The following SLC25A37 variants were observed in gnomAD, a reference collection of about 807,000 sequenced individuals.
The protein encoded by SLC25A37 is mitoferrin-1.
Under a neutral mutation model 31.0 loss-of-function variants are expected in SLC25A37, and 17 were observed. The ratio of observed to expected loss-of-function variants is 0.55; its 90% CI spans 0.38 to 0.82. The LOEUF (loss-of-function observed/expected upper bound fraction) is 0.82, where lower values mean the gene tolerates loss of function less well. Ranked by LOEUF, SLC25A37 falls within the 40% of genes least tolerant of loss-of-function variation. The pLI is 0.00. For missense variants in SLC25A37, 404 were observed against 465.8 expected (o/e 0.87, Z 1.22); for synonymous variants, 222 against 193.0 (o/e 1.15, Z -1.24).
chr8:23,538,847 C>T (rs1801830861), intron 1 of SLC25A37, among the ~76,000 whole-genome samples: 1 of 152,178 alleles, frequency 6.6e-6, no homozygotes. Flanking sequence ...CTCTGAACTG[C>T]TCAAGCTGCT....
In SLC25A37 at chr8:23,546,568, A is replaced by AG. The variant is rs1178734863; in HGVS notation, c.210+17356_210+17357insG. ...ATATATATATAGTGTATATATATAT[A>AG]TATATATATATATAGTGTATATATA... On this transcript the variant is annotated intron_variant, in intron 1 of 3. Coordinates refer to ENST00000519973, the MANE Select transcript of SLC25A37 (RefSeq NM_016612.4). Among the ~76,000 whole-genome samples, 44 of 107,802 alleles carry AG rather than the reference A, an allele frequency of 4.1e-4. 1 individual carries two copies. The highest frequency in any genetic ancestry group is 2.6e-3 in the African/African-American group (42 of 16,390). 70.7% of individuals were successfully genotyped at this position (107,802 alleles called of 152,430 possible).
Position 23,531,090 on chromosome 8 carries a change from G to A in SLC25A37, c.210+1878G>A, listed in dbSNP as rs569951037. On this transcript the variant is annotated intron_variant, in intron 1 of 3. Transcript: ENST00000519973. ...CCTAGACAAGTCTGTAAAACAAGGC[G>A]TGGGTTAGCTAATCAGTGAAGTCTT... 9.8e-5 allele frequency among the ~76,000 whole-genome samples: 15 copies of A among 152,308 alleles called. No homozygotes were observed. In the East Asian group the frequency reaches 1.5e-3, roughly 16 times the overall value.
At chr8:23,553,831 G>C (rs565281485) in intron 1 of SLC25A37, among the ~76,000 whole-genome samples, 1 of 152,332 alleles carries the variant, frequency 6.6e-6, no homozygotes, top group East Asian at 1.9e-4. Flanking sequence ...GACTTTGCCT[G>C]TAAGTTACAC....
In SLC25A37 at chr8:23,558,549, G is replaced by A. The variant is rs573089641; in HGVS notation, c.211-7559G>A. 1.2e-4 allele frequency among the ~76,000 whole-genome samples: 19 copies of A among 152,344 alleles called. No individual in the cohort carries two copies. In the South Asian group the frequency reaches 2.1e-3, roughly 17 times the overall value. On this transcript the variant is annotated intron_variant, in intron 1 of 3. Coordinates refer to ENST00000519973, the MANE Select transcript of SLC25A37 (RefSeq NM_016612.4). ...TCCCTCCTCCCCGCAGTGAGAGAAC[G>A]GGCCAGTGAGACAGGCCTTTCCTGT...
At chr8:23,533,248 G>A (rs1801697002) in intron 1 of SLC25A37, among the ~76,000 whole-genome samples, 1 of 152,200 alleles carries the variant, frequency 6.6e-6, no homozygotes, top group Non-Finnish European at 1.5e-5. Flanking sequence ...TTGGGGAGGG[G>A]CAGGCTGGAG....
In SLC25A37 at chr8:23,571,915, C is replaced by T. The variant is rs1471388226; in HGVS notation, c.*60C>T. On this transcript the variant is annotated 3_prime_UTR_variant, in exon 4 of 4. Coordinates refer to ENST00000519973, the MANE Select transcript of SLC25A37 (RefSeq NM_016612.4). ...TCTCTGCCTGCATCCAGCCCCTTGC[C>T]CTCTCCTCACACGTAGATCATTTTT... The T allele has an allele frequency of 2.0e-5, 31 of 1,562,402 alleles. No homozygotes were observed. The South Asian group carries it at 3.1e-4, about 16-fold the overall frequency.
intron 2 of SLC25A37, 37 bp from the exon 3 acceptor site, chr8:23,568,285 G>A (rs573651915): frequency 8.7e-6 from 14 of 1,611,904 alleles, no homozygotes; most frequent in South Asian, 6.6e-5. Flanking sequence ...GAGAACACCC[G>A]ATCGCAGAGG....
At chr8:23,557,981 C>T (rs1236185686) in intron 1 of SLC25A37, among the ~76,000 whole-genome samples, 3 of 152,164 alleles carry the variant, frequency 2.0e-5, no homozygotes, top group African/African-American at 7.2e-5. Flanking sequence ...CTGGGCCCCC[C>T]TGGAGTTGTG....
In SLC25A37 at chr8:23,546,583, G is replaced by GT. The variant is rs1802066867; in HGVS notation, c.210+17372dup. Among the ~76,000 whole-genome samples, 2 of 61,066 alleles carry GT rather than the reference G, an allele frequency of 3.3e-5. 1 individual carries two copies. The highest frequency in any genetic ancestry group is 1.3e-3 in the East Asian group (2 of 1,518). The allele number at this position is 61,066 out of a possible 152,430, so 40.1% of individuals were successfully genotyped here. ...ATATATATATATATATATATATATAGTGTATATATATATAGTGTATGTGTG... is the reference window on the plus strand; with the variant it reads ...ATATATATATATATATATATATATAGTTGTATATATATATAGTGTATGTGTG... On this transcript the variant is annotated intron_variant, in intron 1 of 3. Coordinates refer to ENST00000519973, the MANE Select transcript of SLC25A37 (RefSeq NM_016612.4).
chr8:23,561,529 C>T (rs1345370442), intron 1 of SLC25A37, among the ~76,000 whole-genome samples: 1 of 152,226 alleles, frequency 6.6e-6, no homozygotes, highest in East Asian at 1.9e-4. Context: ...CCAAGGATGG[C>T]CATGCCCTAA....
Position 23,572,217 on chromosome 8 carries a change from A to C in SLC25A37, c.*362A>C, listed in dbSNP as rs1185380807. 3 of 42,010 alleles carry C rather than the reference A, an allele frequency of 7.1e-5. No individual in the cohort carries two copies. The highest frequency in any genetic ancestry group is 1.4e-4 in the African/African-American group (2 of 13,958). 2.6% of individuals were successfully genotyped at this position (42,010 alleles called of 1,614,324 possible). On this transcript the variant is annotated 3_prime_UTR_variant, in exon 4 of 4. Coordinates refer to ENST00000519973, the MANE Select transcript of SLC25A37 (RefSeq NM_016612.4). ...ACTGAAAACAGTAAAAAAAAAAAAA[A>C]AAAAAAAAAAAAAAAAAAAAAAAAA... is the stretch of plus-strand genomic sequence containing the variant.
chr8:23,540,754 C>T (rs1037288919), intron 1 of SLC25A37, among the ~76,000 whole-genome samples: 2 of 152,124 alleles, frequency 1.3e-5, no homozygotes, highest in African/African-American at 2.4e-5. Flanking sequence ...ATCATAGTTC[C>T]GTGGTCCACT....
chr8:23,572,236 AAAAAAAAAAAAATT>A lies in SLC25A37; in HGVS notation c.*382_*395del, dbSNP rs1563271056. 19 of 49,488 alleles carry A rather than the reference AAAAAAAAAAAAATT, an allele frequency of 3.8e-4. No individual in the cohort carries two copies. Among genetic ancestry groups the A allele is most frequent in the Non-Finnish European group, 1.3e-3 (18 of 14,076 alleles). The allele number at this position is 49,488 out of a possible 1,614,324, so 3.1% of individuals were successfully genotyped here. The stretch of plus-strand genomic sequence containing the variant: ...AAAAAAAAAAAAAAAAAAAAAAAAA[AAAAAAAAAAAAATT>A]TATGTATATAAAAGTTGCATTACAC... On this transcript the variant is annotated 3_prime_UTR_variant, in exon 4 of 4. Transcript: ENST00000519973.
chr8:23,568,577 C>T (rs1362675859), intron 3 of SLC25A37, 199 bp downstream of exon 3: 5 of 607,798 alleles, frequency 8.2e-6, no homozygotes, highest in South Asian at 1.9e-5. Context: ...TTTGGTATTC[C>T]TGTGCTCGGA....
At chr8:23,546,393 C>T (rs1041916457) in intron 1 of SLC25A37, among the ~76,000 whole-genome samples, 1 of 151,256 alleles carries the variant, frequency 6.6e-6, no homozygotes, top group African/African-American at 2.4e-5. Flanking sequence ...CTCAAGTGTA[C>T]ATAAGTAAGA....
chr8:23,531,866 A>G (rs1227280278), intron 1 of SLC25A37: 2 of 152,202 alleles, frequency 1.3e-5, no homozygotes, highest in South Asian at 2.1e-4. Context: ...TGTTTTTTAC[A>G]TGGTGGGCCA....
chr8:23,566,100 G>A lies in SLC25A37; in HGVS notation c.211-8G>A, dbSNP rs1285967916. ...TTTTGTTTGTTTTCTCTTCTTGCCC[G>A]CTCCCAGACACGAATGCAGAGTTTG... On this transcript the variant is annotated splice_polypyrimidine_tract_variant and splice_region_variant and intron_variant, in intron 1 of 3. Coordinates refer to ENST00000519973, the MANE Select transcript of SLC25A37 (RefSeq NM_016612.4). 1.2e-5 allele frequency: 19 copies of A among 1,564,404 alleles called. No homozygotes were observed. The highest frequency in any genetic ancestry group is 1.6e-5 in the Non-Finnish European group (19 of 1,164,084).
chr8:23,533,412 G>A (rs965866315), intron 1 of SLC25A37, among the ~76,000 whole-genome samples: 1 of 152,326 alleles, frequency 6.6e-6, no homozygotes, highest in Non-Finnish European at 1.5e-5. Flanking sequence ...GGGGATGTGC[G>A]TGTCACCTGG....
chr8:23,572,034 GGACATCC>G lies in SLC25A37; in HGVS notation c.*182_*188del, dbSNP rs750977495. On this transcript the variant is annotated 3_prime_UTR_variant, in exon 4 of 4. Transcript: ENST00000519973. The stretch of plus-strand genomic sequence containing the variant: ...CCGCTCACCGGAAGGCTGTGTGCGG[GGACATCC>G]GAGGTGGTGGTGGACAGGAAGGACT... 6.8e-5 allele frequency: 45 copies of G among 666,172 alleles called. No homozygotes were observed. The highest frequency in any genetic ancestry group is 1.0e-4 in the Non-Finnish European group (40 of 401,176). The allele number at this position is 666,172 out of a possible 1,614,324, so 41.3% of individuals were successfully genotyped here.
Sources: allele counts gnomAD v4.1 joint callset (sites outside exome capture counted in the v4.1 genomes callset), GRCh38; gene constraint gnomAD v4.1.1; transcripts MANE v1.5; gene names NCBI Gene and HGNC (gene_info 2026-07-23, HGNC 2026-07-21).